The following CARD6 variants were observed in gnomAD, a reference collection of about 807,000 sequenced individuals.
CARD6 encodes the protein caspase recruitment domain family member 6.
CARD6 carries 27 observed loss-of-function variants against 23.6 expected under a neutral mutation model. The observed-to-expected ratio is 1.14, with a 90% CI of 0.84 to 1.58. CARD6 has a LOEUF of 1.58. CARD6 is among the 40% of genes most tolerant of loss of function. The pLI, the probability that CARD6 is intolerant of heterozygous loss-of-function variation, is 0.00. For missense variants in CARD6, 1,214 were observed against 1,209.9 expected, an observed-to-expected ratio of 1.00 and a Z score of -0.05; for synonymous variants, 397 against 431.8, an observed-to-expected ratio of 0.92 and a Z score of 1.00.
Position 40,853,594 on chromosome 5 carries a change from C to A in CARD6, c.2262C>A (p.Gly754=), listed in dbSNP as rs750806911. 3.1e-6 allele frequency: 5 copies of A among 1,614,192 alleles called. No individual in the cohort carries two copies. Among genetic ancestry groups the A allele is most frequent in the Non-Finnish European group, 4.2e-6 (5 of 1,180,032 alleles). Residue 754 remains glycine (G), a synonymous_variant, in exon 3 of 3, where the codon GGC becomes GGA. Transcript: ENST00000254691. ...HVSLKASWVM[G]RPFGSEQRPK... ...CCTTGAAAGCCTCCTGGGTTATGGG[C>A]CGCCCCTTTGGGTCAGAGCAGAGGC... is the stretch of plus-strand genomic sequence containing the variant.
Position 40,852,591 on chromosome 5 carries a change from T to C in CARD6, c.1259T>C (p.Met420Thr). Residue 420 changes from methionine to threonine, a missense_variant, in exon 3 of 3, where the codon ATG becomes ACG. By Grantham distance (81) the Met-to-Thr change is moderately conservative. Transcript: ENST00000254691. ...PDAENNKSIL[M>T]LGAMKDIVKK... ...GCAGAAAACAACAAAAGCATCTTAATGCTGGGGGCCATGAAAGACATTGTG... is the reference window on the plus strand; with the variant it reads ...GCAGAAAACAACAAAAGCATCTTAACGCTGGGGGCCATGAAAGACATTGTG... 1 of 1,614,224 alleles carries C rather than the reference T, an allele frequency of 6.2e-7. No homozygotes were observed.
chr5:40,843,150 A>T lies in CARD6; in HGVS notation c.284-2A>T. ...TGGGAAAAACAATTCTTTTCTTTGC[A>T]GAAGTTTTAAAACATGAGAATACAG... is the stretch of plus-strand genomic sequence containing the variant. On this transcript the variant is annotated splice_acceptor_variant, in intron 1 of 2. Transcript: ENST00000254691. LOFTEE classifies it high-confidence loss of function. 6.4e-7 allele frequency: 1 copy of T among 1,562,818 alleles called. No homozygotes were observed.
Position 40,843,170 on chromosome 5 carries a change from A to C in CARD6, c.302A>C (p.Asn101Thr). ...GLRHEVLKHE[N>T]TVPPQSMGAS... The stretch of plus-strand genomic sequence containing the variant: ...TTTGCAGAAGTTTTAAAACATGAGA[A>C]TACAGTACCTCCTCAATCTATGGGG... The change falls in exon 2 of 3, where the codon AAT becomes ACT. Residue 101 changes from asparagine (N) to threonine (T), a missense_variant. Coordinates refer to ENST00000254691, the MANE Select transcript of CARD6 (RefSeq NM_032587.4). 6.3e-7 allele frequency: 1 copy of C among 1,594,400 alleles called. No homozygotes were observed. The highest frequency in any genetic ancestry group is 8.5e-7 in the Non-Finnish European group (1 of 1,174,810).
In CARD6 at chr5:40,843,683, A is replaced by T. The variant is rs778096080; in HGVS notation, c.815A>T (p.Glu272Val). 6 of 1,548,442 alleles carry T rather than the reference A, an allele frequency of 3.9e-6. No homozygotes were observed. The highest frequency in any genetic ancestry group is 5.2e-6 in the Non-Finnish European group (6 of 1,156,296). The change falls in exon 2 of 3, where the codon GAG (glutamate) becomes GTG (valine). Residue 272 changes from glutamate (E) to valine (V), a missense_variant. Physicochemically the swap from Glu to Val is moderately radical, Grantham distance 121. Coordinates refer to ENST00000254691, the MANE Select transcript of CARD6 (RefSeq NM_032587.4). ...GGATCAGAAACCAGCCTTTCATTGGAGGAGGAACAGGAGAAAAGTATAGAA... is the reference window on the plus strand; with the variant it reads ...GGATCAGAAACCAGCCTTTCATTGGTGGAGGAACAGGAGAAAAGTATAGAA... ...YEGSETSLSL[E>V]EEQEKSIEER...
intron 2 of CARD6, among the ~76,000 whole-genome samples, chr5:40,846,756 GC>G: frequency 6.6e-6 from 1 of 151,982 alleles, no homozygotes; most frequent in South Asian, 2.1e-4. Context: ...ACTGATTTAG[GC>G]CCCCCTCCAT....
intron 2 of CARD6, among the ~76,000 whole-genome samples, chr5:40,850,931 A>T (rs1746054592): frequency 6.6e-6 from 1 of 152,116 alleles, no homozygotes; most frequent in Admixed American, 6.6e-5. Context: ...AGCTAAAATG[A>T]GTTAGGTAGA....
In CARD6 at chr5:40,854,511, C is replaced by G; in HGVS notation, c.*65C>G. 7.7e-7 allele frequency: 1 copy of G among 1,298,936 alleles called. No individual in the cohort carries two copies. The highest frequency in any genetic ancestry group is 1.3e-5 in the South Asian group (1 of 75,290). The allele number at this position is 1,298,936 out of a possible 1,614,324, so 80.5% of individuals were successfully genotyped here. A position where few individuals can be genotyped will look rare whatever the true frequency, so the allele number is the denominator to read the frequency against. On this transcript the variant is annotated 3_prime_UTR_variant, in exon 3 of 3. Coordinates refer to ENST00000254691, the MANE Select transcript of CARD6 (RefSeq NM_032587.4). The stretch of plus-strand genomic sequence containing the variant: ...CAGGCCATTCCTATCATATAGTAAG[C>G]AGAAGAGTTGCCATGAAAGTAAAAG...
chr5:40,843,227 C>T lies in CARD6; in HGVS notation c.359C>T (p.Pro120Leu). Residue 120 changes from proline (P) to leucine (L), a missense_variant, in exon 2 of 3, where the codon CCT becomes CTT. By Grantham distance (98) the Pro-to-Leu change is moderately conservative. Transcript: ENST00000254691. ...AGTAATTCAGAAGATGCTTTTTCTC[C>T]TGGAATAAAACAGCCTGAAGCCCCT... ...ASSNSEDAFS[P>L]GIKQPEAPEI... is the part of the protein sequence containing the mutation. 2 of 1,613,446 alleles carry T rather than the reference C, an allele frequency of 1.2e-6. No homozygotes were observed. Among genetic ancestry groups the T allele is most frequent in the Non-Finnish European group, 1.7e-6 (2 of 1,179,840 alleles).
chr5:40,847,333 T>C (rs988553134), intron 2 of CARD6, among the ~76,000 whole-genome samples: 3 of 152,224 alleles, frequency 2.0e-5, no homozygotes, highest in Non-Finnish European at 2.9e-5. Flanking sequence ...CTATAGAAGT[T>C]CAACTTGTAT....
rs1398946235 is a variant in CARD6, at chr5:40,854,138, A to C, written c.2806A>C (p.Met936Leu). The part of the protein sequence containing the change: ...NPALQIGSHP[M>L]CKSSQFKSDQ... ...AGCTCTCCAAATAGGGTCCCATCCC[A>C]TGTGCAAGAGCTCTCAGTTCAAATC... Residue 936 changes from methionine to leucine, a missense_variant, in exon 3 of 3, where the codon ATG becomes CTG. Met to Leu is a conservative substitution (Grantham distance 15, BLOSUM62 2). Transcript: ENST00000254691. The C allele has an allele frequency of 6.2e-7, 1 of 1,614,202 alleles. No individual in the cohort carries two copies. Among genetic ancestry groups the C allele is most frequent in the Non-Finnish European group, 8.5e-7 (1 of 1,180,032 alleles).
At chr5:40,849,446 C>G (rs1241609646) in intron 2 of CARD6, among the ~76,000 whole-genome samples, 7 of 152,150 alleles carry the variant, frequency 4.6e-5, no homozygotes, top group Admixed American at 4.6e-4. Context: ...ATTCAACTTC[C>G]CCCTCACCTT....
intron 2 of CARD6, among the ~76,000 whole-genome samples, chr5:40,845,372 A>G (rs1004901961): frequency 2.6e-5 from 4 of 152,210 alleles, no homozygotes; most frequent in African/African-American, 9.6e-5. Context: ...CCCTAATAAC[A>G]TTATTAAAAC....
At chr5:40,850,007 T>C (rs1280197554) in intron 2 of CARD6, among the ~76,000 whole-genome samples, 4 of 151,266 alleles carry the variant, frequency 2.6e-5, no homozygotes, top group Non-Finnish European at 5.9e-5. Flanking sequence ...AGAAGATAGT[T>C]TGGAAAATGG....
intron 1 of CARD6, among the ~76,000 whole-genome samples, chr5:40,842,795 T>C (rs1324567313): frequency 6.6e-6 from 1 of 152,176 alleles, no homozygotes; most frequent in African/African-American, 2.4e-5. Flanking sequence ...CCCAGCACTT[T>C]GGGAGGCCGG....
Position 40,843,160 on chromosome 5 carries a change from A to G in CARD6, c.292A>G (p.Lys98Glu), listed in dbSNP as rs1298163475. Residue 98 changes from lysine (K) to glutamate (E), a missense_variant, in exon 2 of 3, where the codon AAA (lysine) becomes GAA (glutamate). Transcript: ENST00000254691. ...AICGLRHEVL[K>E]HENTVPPQSM... ...AATTCTTTTCTTTGCAGAAGTTTTA[A>G]AACATGAGAATACAGTACCTCCTCA... is the stretch of plus-strand genomic sequence containing the variant. 1.3e-6 allele frequency: 2 copies of G among 1,571,470 alleles called. No individual in the cohort carries two copies. Among genetic ancestry groups the G allele is most frequent in the Admixed American group, 2.1e-5 (1 of 47,752 alleles).
Position 40,852,274 on chromosome 5 carries a change from A to C in CARD6, c.942A>C (p.Gly314=). The C allele has an allele frequency of 6.2e-7, 1 of 1,614,148 alleles. No individual in the cohort carries two copies. The highest frequency in any genetic ancestry group is 8.5e-7 in the Non-Finnish European group (1 of 1,179,992). ...DFVKQFSLDR[G]CKWTPESPGD... Reference sequence around the variant, plus strand: ...TTAAACAATTCTCCTTAGATCGAGGATGTAAGTGGACCCCTGAGAGTCCAG... The same window carrying C: ...TTAAACAATTCTCCTTAGATCGAGGCTGTAAGTGGACCCCTGAGAGTCCAG... The change falls in exon 3 of 3, where the codon GGA becomes GGC. Residue 314 remains glycine (G), a synonymous_variant. Transcript: ENST00000254691.
intron 2 of CARD6, among the ~76,000 whole-genome samples, chr5:40,849,147 C>T (rs1291029821): frequency 6.6e-6 from 1 of 152,060 alleles, no homozygotes; most frequent in Non-Finnish European, 1.5e-5. Context: ...CAGGCACCTG[C>T]CACCACACCT....
At chr5:40,848,850 T>C (rs1426728165) in intron 2 of CARD6, among the ~76,000 whole-genome samples, 2 of 152,132 alleles carry the variant, frequency 1.3e-5, no homozygotes, top group Non-Finnish European at 2.9e-5. Context: ...TTGAGATTAG[T>C]TTCCTGATAT....
Position 40,854,175 on chromosome 5 carries a change from A to T in CARD6, c.2843A>T (p.Asn948Ile). ...KSSQFKSDQSNPSTVKHSQPK... is the reference protein window; with the variant it reads ...KSSQFKSDQSIPSTVKHSQPK... ...TCTCAGTTCAAATCCGATCAGTCCAACCCATCCACAGTCAAACACTCCCAG... is the reference window on the plus strand; with the variant it reads ...TCTCAGTTCAAATCCGATCAGTCCATCCCATCCACAGTCAAACACTCCCAG... Residue 948 changes from asparagine (N) to isoleucine (I), a missense_variant, in exon 3 of 3, where the codon AAC (asparagine) becomes ATC (isoleucine). Transcript: ENST00000254691. 6.2e-7 allele frequency: 1 copy of T among 1,614,134 alleles called. No individual in the cohort carries two copies. The highest frequency in any genetic ancestry group is 8.5e-7 in the Non-Finnish European group (1 of 1,180,022).
Sources: gnomAD v4.1 joint callset for allele counts (sites outside exome capture counted in the v4.1 genomes callset) on GRCh38, gnomAD v4.1.1 for gene constraint, MANE v1.5 for transcripts, NCBI Gene and HGNC (gene_info 2026-07-23, HGNC 2026-07-21) for gene names.